RBM6: variants seen among roughly 807,000 people sequenced by gnomAD.
The protein encoded by RBM6 is RNA binding motif protein 6, also known as RNA-binding protein 6.
RBM6 carries 23 observed loss-of-function variants against 140.4 expected under a neutral mutation model. That is an observed-to-expected ratio of 0.16 (90% CI 0.12 to 0.23). The LOEUF (loss-of-function observed/expected upper bound fraction) is 0.23. RBM6 is among the 10% of genes least tolerant of loss of function. The pLI, the probability that RBM6 is intolerant of heterozygous loss-of-function variation, is 1.00. For synonymous variants in RBM6, 439 were observed against 475.6 expected, an observed-to-expected ratio of 0.92 and a Z score of 1.00; for missense variants, 1,139 against 1,386.7, an observed-to-expected ratio of 0.82 and a Z score of 2.84.
In RBM6 at chr3:49,972,257, A is replaced by G. The variant is rs1575584883; in HGVS notation, c.1413+109A>G. 16 of 817,364 alleles carry G rather than the reference A, an allele frequency of 2.0e-5. 1 individual carries two copies. The East Asian group carries it at 4.3e-4, about 22-fold the overall frequency. 50.6% of individuals were successfully genotyped at this position (817,364 alleles called of 1,614,324 possible). ...GAAGGTGCAAAGAAATGCACAGAGA[A>G]GTCTTGTGTATTTTTTTCCCATCTT... On this transcript the variant is annotated intron_variant, in intron 4 of 20. Coordinates refer to ENST00000266022, the MANE Select transcript of RBM6 (RefSeq NM_005777.3).
At chr3:49,973,648 C>G (rs1170143432) in intron 4 of RBM6, among the ~76,000 whole-genome samples, 3 of 146,920 alleles carry the variant, frequency 2.0e-5, no homozygotes, top group African/African-American at 7.6e-5. Flanking sequence ...TGCAGTGGCG[C>G]GATCTCGGCT....
At chr3:49,965,837 A>G (rs1177162455) in intron 2 of RBM6, among the ~76,000 whole-genome samples, 5 of 152,178 alleles carry the variant, frequency 3.3e-5, no homozygotes, top group Non-Finnish European at 7.4e-5. Flanking sequence ...TTACTTTAAG[A>G]AAGGGTTGGC....
chr3:49,956,414 C>G (rs1467616343), intron 1 of RBM6, among the ~76,000 whole-genome samples: 1 of 138,654 alleles, frequency 7.2e-6, no homozygotes, highest in Non-Finnish European at 1.5e-5. Flanking sequence ...CAGCTCACTG[C>G]AACCTCCGCC....
At chr3:49,942,438 G>A (rs189559218) in intron 1 of RBM6, among the ~76,000 whole-genome samples, 66 of 149,166 alleles carry the variant, frequency 4.4e-4, no homozygotes, top group Non-Finnish European at 7.5e-4. Flanking sequence ...GCAGTGAGCC[G>A]AGATTGCGCC....
intron 5 of RBM6, among the ~76,000 whole-genome samples, chr3:49,993,681 TCTTC>T (rs558865441): frequency 1.3e-5 from 2 of 151,062 alleles, no homozygotes; most frequent in Non-Finnish European, 3.0e-5. Context: ...TCAGTGTATA[TCTTC>T]CTTTTTTCAT....
chr3:50,031,948 C>A (rs1011239234), intron 6 of RBM6, among the ~76,000 whole-genome samples: 4 of 152,120 alleles, frequency 2.6e-5, no homozygotes, highest in African/African-American at 4.8e-5. Context: ...ATCTCCTGTA[C>A]TCCATAAATA....
chr3:49,971,746 G>A (rs1559539845), intron 3 of RBM6, among the ~76,000 whole-genome samples: 2 of 152,014 alleles, frequency 1.3e-5, no homozygotes, highest in African/African-American at 4.8e-5. Flanking sequence ...TGTTGGCTAG[G>A]CTGAGAAAAT....
chr3:50,027,505 C>T (rs578182669), intron 6 of RBM6, among the ~76,000 whole-genome samples: 1 of 152,298 alleles, frequency 6.6e-6, no homozygotes, highest in East Asian at 1.9e-4. Flanking sequence ...TCTCCTACTT[C>T]CTTCTCTACC....
intron 6 of RBM6, among the ~76,000 whole-genome samples, chr3:50,013,693 G>A (rs1170966306): frequency 1.3e-5 from 2 of 152,162 alleles, no homozygotes; most frequent in African/African-American, 2.4e-5. Context: ...GAGACAGCGG[G>A]CATTTGGATG....
Position 49,968,035 on chromosome 3 carries a change from G to T in RBM6, c.610G>T (p.Asp204Tyr). The T allele has an allele frequency of 6.2e-7, 1 of 1,614,128 alleles. No homozygotes were observed. Among genetic ancestry groups the T allele is most frequent in the Non-Finnish European group, 8.5e-7 (1 of 1,180,022 alleles). ...TAGGGGAAGGGATTTATCAGATTTGGATTTTAGGGCCAGAGAACAGTCCCG... is the reference window on the plus strand; with the variant it reads ...TAGGGGAAGGGATTTATCAGATTTGTATTTTAGGGCCAGAGAACAGTCCCG... ...DFRGRDLSDL[D>Y]FRAREQSRSD... The change falls in exon 3 of 21, where the codon GAT (aspartate) becomes TAT (tyrosine). Residue 204 changes from aspartate (D) to tyrosine (Y), a missense_variant. Around this residue, in one of 9 missense-constraint regions of RBM6, gnomAD observed 566 missense variants for 612.7 expected, o/e 0.92. Transcript: ENST00000266022.
intron 6 of RBM6, among the ~76,000 whole-genome samples, chr3:50,027,197 G>T (rs12637457): frequency 0.079 from 11,982 of 152,110 alleles, 522 homozygotes; most frequent in African/African-American, 0.1. Context: ...GAGGCTTGGG[G>T]TAGGAGGGGT....
chr3:50,005,528 A>G (rs1012673599), intron 6 of RBM6, among the ~76,000 whole-genome samples: 12 of 151,284 alleles, frequency 7.9e-5, no homozygotes, highest in Admixed American at 7.3e-4. Context: ...GAGAAAGCTT[A>G]TGTTTTTAGT....
Position 50,025,587 on chromosome 3 carries a change from A to ATTTTTTTTT in RBM6, c.1558-22647_1558-22639dup, listed in dbSNP as rs761261742. 6.8e-3 allele frequency among the ~76,000 whole-genome samples: 847 copies of ATTTTTTTTT among 124,008 alleles called. 38 individuals are homozygous for ATTTTTTTTT. The highest frequency in any genetic ancestry group is 9.3e-3 in the Non-Finnish European group (542 of 58,394). 81.4% of individuals were successfully genotyped at this position (124,008 alleles called of 152,430 possible). The stretch of plus-strand genomic sequence containing the variant: ...AACCTTTTATATATATACAACTTTA[A>ATTTTTTTTT]TTTTTTTTTTTTTTTTTTTAAGAGA... On this transcript the variant is annotated intron_variant, in intron 6 of 20. Transcript: ENST00000266022.
intron 15 of RBM6, among the ~76,000 whole-genome samples, chr3:50,064,593 C>T (rs944031634): frequency 1.3e-5 from 2 of 152,012 alleles, no homozygotes; most frequent in Non-Finnish European, 2.9e-5. Context: ...CTCACTGCAA[C>T]CTCTGCCTCC....
At chr3:49,970,605 C>T (rs1382658832) in intron 3 of RBM6, among the ~76,000 whole-genome samples, 1 of 152,162 alleles carries the variant, frequency 6.6e-6, no homozygotes, top group Non-Finnish European at 1.5e-5. Context: ...TATCCTCTTG[C>T]AGCTAACGTA....
At chr3:50,070,337 A>G (rs2090261189) in intron 18 of RBM6, 118 bp from the exon 19 acceptor site, 6 of 742,390 alleles carry the variant, frequency 8.1e-6, no homozygotes, top group Non-Finnish European at 1.4e-5. Flanking sequence ...CCTGGGCAAC[A>G]GAGTGAGACT....
rs770512006 is a variant in RBM6, at chr3:50,061,555, T to C, written c.2439+8T>C. On this transcript the variant is annotated splice_region_variant and intron_variant, in intron 14 of 20. Transcript: ENST00000266022. ...TATGACCCCAATACCCAGGTGAGTT[T>C]GGGGCTTTTTTTTTTTTTTTTTTTT... 6.5e-7 allele frequency: 1 copy of C among 1,546,098 alleles called. No homozygotes were observed. Among genetic ancestry groups the C allele is most frequent in the Non-Finnish European group, 8.6e-7 (1 of 1,160,684 alleles).
intron 6 of RBM6, among the ~76,000 whole-genome samples, chr3:50,019,255 C>CA (rs1312881133): frequency 6.6e-6 from 1 of 151,952 alleles, no homozygotes; most frequent in Non-Finnish European, 1.5e-5. Context: ...GAACTCCTGA[C>CA]CTTAGGTGAT....
intron 7 of RBM6, among the ~76,000 whole-genome samples, chr3:50,051,486 A>G (rs1344234696): frequency 6.6e-6 from 1 of 152,142 alleles, no homozygotes; most frequent in African/African-American, 2.4e-5. Context: ...TATTAAAAAT[A>G]CAAAGTTAGC....
Sources: gnomAD v4.1 joint callset for allele counts (sites outside exome capture counted in the v4.1 genomes callset) on GRCh38, gnomAD v4.1.1 for gene constraint, gnomAD v4.1.1 regional missense constraint, MANE v1.5 for transcripts, NCBI Gene and HGNC (gene_info 2026-07-23, HGNC 2026-07-21) for gene names.